THNSL1: variants seen among roughly 807,000 people sequenced by gnomAD.
THNSL1 encodes threonine synthase-like 1.
Under a neutral mutation model 50.4 loss-of-function variants are expected in THNSL1, and 48 were observed. The ratio of observed to expected loss-of-function variants is 0.95; its 90% CI spans 0.76 to 1.21. THNSL1 has a LOEUF of 1.21. Among genes scored for constraint, THNSL1 ranks in the 50% most tolerant of loss-of-function variants. The pLI is 0.00. For missense variants in THNSL1, 896 were observed against 871.7 expected, an observed-to-expected ratio of 1.03 and a Z score of -0.35; for synonymous variants, 309 against 306.1, an observed-to-expected ratio of 1.01 and a Z score of -0.10.
the THNSL1 span, among the ~76,000 whole-genome samples, chr10:25,000,493 T>C: frequency 6.6e-6 from 1 of 152,148 alleles, no homozygotes; most frequent in Non-Finnish European, 1.5e-5. Flanking sequence ...TTTGAAACTC[T>C]GTTTGTAGGT....
upstream of THNSL1, among the ~76,000 whole-genome samples, chr10:25,012,909 C>T (rs537170286): frequency 2.0e-4 from 31 of 152,254 alleles, no homozygotes; most frequent in African/African-American, 5.3e-4. Context: ...TGCATCCCCA[C>T]GCAAATCTCA....
At chr10:24,984,743 C>A in the THNSL1 span, 1 of 1,606,886 alleles carries the variant, frequency 6.2e-7, no homozygotes. Flanking sequence ...TACTTATTGG[C>A]AATATAAATA....
At chr10:24,982,364 G>A in the THNSL1 span, 1 of 152,356 alleles carries the variant, frequency 6.6e-6, no homozygotes, top group Admixed American at 6.5e-5. Context: ...GCCAGTTACA[G>A]TGGGTAGGGA....
chr10:25,011,253 G>A, the THNSL1 span, among the ~76,000 whole-genome samples: 1 of 152,166 alleles, frequency 6.6e-6, no homozygotes, highest in East Asian at 1.9e-4. Context: ...CTTTTGAGAA[G>A]TGTCTGTTCA....
chr10:24,985,632 A>G, the THNSL1 span, among the ~76,000 whole-genome samples: 3 of 152,262 alleles, frequency 2.0e-5, no homozygotes, highest in African/African-American at 7.2e-5. Context: ...TAGGAGCAAT[A>G]AAAGTTATTT....
the THNSL1 span, among the ~76,000 whole-genome samples, chr10:24,963,148 G>T: frequency 1.3e-5 from 2 of 152,164 alleles, no homozygotes; most frequent in South Asian, 2.1e-4. Context: ...GAGAATAAAG[G>T]GATGAGAGAT....
chr10:24,996,517 C>T, the THNSL1 span, among the ~76,000 whole-genome samples: 2 of 151,680 alleles, frequency 1.3e-5, no homozygotes, highest in South Asian at 2.1e-4. Flanking sequence ...GCTTATTGGC[C>T]GTTTTTACAC....
the THNSL1 span, among the ~76,000 whole-genome samples, chr10:24,969,420 G>GA: frequency 8.3e-4 from 126 of 152,192 alleles, no homozygotes; most frequent in Non-Finnish European, 8.8e-5. Context: ...GAGCTCTGAA[G>GA]AAAAAATCAT....
At position 25,024,243 on chromosome 10, in the gene THNSL1, G is replaced by C. The variant is rs987239883; in HGVS notation, c.1020G>C (p.Leu340=). ...ACCTTTCAGGCAACCAGTTCATCCT[G>C]GAGTTGTTTCATGGACCAACAGGAT... The part of the protein sequence containing the change: ...VRHLSGNQFI[L]ELFHGPTGSF... Residue 340 remains leucine, a synonymous_variant, in exon 3 of 3, where the codon CTG becomes CTC. Transcript: ENST00000376356. 1.2e-6 allele frequency: 2 copies of C among 1,614,056 alleles called. No homozygotes were observed. Among genetic ancestry groups the C allele is most frequent in the African/African-American group, 1.3e-5 (1 of 74,916 alleles).
chr10:24,976,684 G>T, the THNSL1 span, among the ~76,000 whole-genome samples: 1 of 151,816 alleles, frequency 6.6e-6, no homozygotes, highest in African/African-American at 2.4e-5. Context: ...GTAGAGACAG[G>T]GTTTTCACCA....
the THNSL1 span, among the ~76,000 whole-genome samples, chr10:24,954,706 G>A: frequency 1.3e-5 from 2 of 152,154 alleles, no homozygotes; most frequent in East Asian, 1.9e-4. Context: ...AGAATGATGA[G>A]TAAATAGTTT....
chr10:25,004,334 G>A, the THNSL1 span, among the ~76,000 whole-genome samples: 8 of 151,982 alleles, frequency 5.3e-5, no homozygotes, highest in African/African-American at 1.9e-4. Flanking sequence ...CCATCTTTAG[G>A]TCTTTGAGGA....
At chr10:25,012,229 G>A (rs974003265), upstream of THNSL1, among the ~76,000 whole-genome samples, 3 of 134,662 alleles carry the variant, frequency 2.2e-5, no homozygotes, top group Admixed American at 7.1e-5. Flanking sequence ...GATGTGCTTC[G>A]GGGCAGAGCC....
chr10:24,970,097 C>T, the THNSL1 span, among the ~76,000 whole-genome samples: 2 of 152,108 alleles, frequency 1.3e-5, no homozygotes, highest in Non-Finnish European at 1.5e-5. Flanking sequence ...TCTGAAATCA[C>T]GTGAAGAGGA....
At chr10:24,978,507 C>T in the THNSL1 span, among the ~76,000 whole-genome samples, 3 of 151,210 alleles carry the variant, frequency 2.0e-5, no homozygotes, top group Non-Finnish European at 4.4e-5. Context: ...TTCTCTCTCT[C>T]TCTCTCTTTA....
the THNSL1 span, among the ~76,000 whole-genome samples, chr10:25,002,253 G>T: frequency 2.6e-5 from 4 of 152,154 alleles, no homozygotes; most frequent in Admixed American, 1.3e-4. Context: ...ACTTGGCCTT[G>T]GTTGTTTCAT....
chr10:25,011,883 A>G (rs1850454143), upstream of THNSL1, among the ~76,000 whole-genome samples: 1 of 152,206 alleles, frequency 6.6e-6, no homozygotes, highest in Non-Finnish European at 1.5e-5. Context: ...TAATAGCCAA[A>G]ACAATGGGGA....
the THNSL1 span, among the ~76,000 whole-genome samples, chr10:24,968,829 G>A: frequency 2.0e-5 from 3 of 152,338 alleles, no homozygotes; most frequent in East Asian, 5.8e-4. Flanking sequence ...AGAGACAGAA[G>A]TCGAATCACA....
At chr10:25,003,907 T>A in the THNSL1 span, among the ~76,000 whole-genome samples, 1 of 152,192 alleles carries the variant, frequency 6.6e-6, no homozygotes, top group African/African-American at 2.4e-5. Flanking sequence ...GCTCTCACTT[T>A]AAGTGAGAAT....
Sources: allele counts gnomAD v4.1 joint callset (sites outside exome capture counted in the v4.1 genomes callset), GRCh38; gene constraint gnomAD v4.1.1; transcripts MANE v1.5; gene names NCBI Gene and HGNC (gene_info 2026-07-23, HGNC 2026-07-21).